The following RCAN2 variants were observed in gnomAD, a reference collection of about 807,000 sequenced individuals.
RCAN2 encodes the protein calcipressin-2.
Under a neutral mutation model 23.6 loss-of-function variants are expected in RCAN2, and 9 were observed. The ratio of observed to expected loss-of-function variants is 0.38; its 90% CI spans 0.23 to 0.67. RCAN2 has a LOEUF of 0.67. RCAN2 is among the 30% of genes least tolerant of loss of function. The pLI, the probability that RCAN2 is intolerant of heterozygous loss-of-function variation, is 0.51. For missense variants in RCAN2, 273 were observed against 302.3 expected, an observed-to-expected ratio of 0.90 and a Z score of 0.72; for synonymous variants, 109 against 115.7, an observed-to-expected ratio of 0.94 and a Z score of 0.37.
chr6:46,253,720 T>C (rs1007750749), intron 2 of RCAN2, among the ~76,000 whole-genome samples: 35 of 152,228 alleles, frequency 2.3e-4, no homozygotes, highest in African/African-American at 8.2e-4. Context: ...AATACAGTCA[T>C]GCACTGCATA....
At chr6:46,342,807 G>A (rs1328667008) in intron 2 of RCAN2, among the ~76,000 whole-genome samples, 4 of 152,028 alleles carry the variant, frequency 2.6e-5, no homozygotes, top group Non-Finnish European at 5.9e-5. Context: ...ATGGTTTGAT[G>A]TGGGCTAGAA....
At chr6:46,432,839 A>G (rs1767254039) in intron 2 of RCAN2, among the ~76,000 whole-genome samples, 1 of 152,222 alleles carries the variant, frequency 6.6e-6, no homozygotes, top group Non-Finnish European at 1.5e-5. Context: ...ATGGTAGTAC[A>G]TCTGACTCCA....
At chr6:46,270,500 T>A (rs1767488136) in intron 2 of RCAN2, among the ~76,000 whole-genome samples, 1 of 152,190 alleles carries the variant, frequency 6.6e-6, no homozygotes, top group Non-Finnish European at 1.5e-5. Flanking sequence ...CAACCAGTGA[T>A]GTGTATTTAC....
At chr6:46,469,276 T>A (rs1478648477) in intron 1 of RCAN2, among the ~76,000 whole-genome samples, 1 of 152,164 alleles carries the variant, frequency 6.6e-6, no homozygotes, top group African/African-American at 2.4e-5. Flanking sequence ...AATCTCCCAC[T>A]TCTAGTGCCA....
intron 1 of RCAN2, among the ~76,000 whole-genome samples, chr6:46,458,063 C>A (rs1768096916): frequency 6.6e-6 from 1 of 152,156 alleles, no homozygotes; most frequent in Admixed American, 6.5e-5. Context: ...AAATAACTTG[C>A]TCATGGTTAC....
intron 2 of RCAN2, among the ~76,000 whole-genome samples, chr6:46,328,158 G>T (rs1763853965): frequency 6.6e-6 from 1 of 152,064 alleles, no homozygotes. Context: ...TGTAAAATAG[G>T]CAGTTTTTTT....
intron 2 of RCAN2, among the ~76,000 whole-genome samples, chr6:46,281,647 G>C (rs1767923536): frequency 6.6e-6 from 1 of 152,136 alleles, no homozygotes; most frequent in Non-Finnish European, 1.5e-5. Context: ...GCTTGAAAAA[G>C]AGAACTGAGC....
Position 46,246,781 on chromosome 6 carries a change from C to A in RCAN2, c.538G>T (p.Asp180Tyr). ...AGTTTGGCCACAGCATAGAGGAGGTCATAGTTGAGGACTGGCGTGGCATCG... is the reference window on the plus strand; with the variant it reads ...AGTTTGGCCACAGCATAGAGGAGGTAATAGTTGAGGACTGGCGTGGCATCG... ...INDATPVLNY[D>Y]LLYAVAKLGP... The change falls in exon 4 of 5, where the codon GAC (aspartate) becomes TAC (tyrosine). Residue 180 changes from aspartate (D) to tyrosine (Y), a missense_variant. Coordinates refer to ENST00000371374, the MANE Select transcript of RCAN2 (RefSeq NM_001251974.2). The A allele has an allele frequency of 6.2e-7, 1 of 1,613,686 alleles. No individual in the cohort carries two copies. The highest frequency in any genetic ancestry group is 8.5e-7 in the Non-Finnish European group (1 of 1,179,850).
chr6:46,244,160 AAAG>A (rs1220706861), intron 4 of RCAN2, among the ~76,000 whole-genome samples: 1 of 152,198 alleles, frequency 6.6e-6, no homozygotes, highest in Non-Finnish European at 1.5e-5. Context: ...TATTGTGATA[AAAG>A]AAGGTGGGTG....
chr6:46,276,961 A>G (rs1767733626), intron 2 of RCAN2, among the ~76,000 whole-genome samples: 2 of 152,240 alleles, frequency 1.3e-5, no homozygotes, highest in African/African-American at 2.4e-5. Context: ...GAGTTTTATT[A>G]AGTTCTTAAG....
chr6:46,294,707 T>A (rs571509654), intron 2 of RCAN2, among the ~76,000 whole-genome samples: 1 of 152,272 alleles, frequency 6.6e-6, no homozygotes, highest in East Asian at 1.9e-4. Flanking sequence ...ATGATCCCAA[T>A]GATGATTAGA....
intron 2 of RCAN2, among the ~76,000 whole-genome samples, chr6:46,420,687 G>A (rs1185224376): frequency 6.6e-6 from 1 of 151,880 alleles, no homozygotes; most frequent in Non-Finnish European, 1.5e-5. Context: ...GGGATTACAG[G>A]TACCCACCAT....
intron 2 of RCAN2, among the ~76,000 whole-genome samples, chr6:46,318,113 G>A (rs1046889038): frequency 1.3e-5 from 2 of 152,220 alleles, no homozygotes; most frequent in Non-Finnish European, 2.9e-5. Flanking sequence ...GTGGTGACAT[G>A]TGGGATGGTT....
At position 46,367,022 on chromosome 6, in the gene RCAN2, GATATATATATATATAT is replaced by G. The variant is rs60245042; in HGVS notation, c.225+89714_225+89729del. On this transcript the variant is annotated intron_variant, in intron 2 of 4. Coordinates refer to ENST00000371374, the MANE Select transcript of RCAN2 (RefSeq NM_001251974.2). ...ATTTTATTTTCAGTTATCTGGGATG[GATATATATATATATAT>G]ATATATATATATATATCCTAGCTGA... is the stretch of plus-strand genomic sequence containing the variant. Among the ~76,000 whole-genome samples, 12 of 59,684 alleles carry G rather than the reference GATATATATATATATAT, an allele frequency of 2.0e-4. 2 individuals are homozygous for G. The highest frequency in any genetic ancestry group is 2.4e-4 in the African/African-American group (5 of 20,988). 39.2% of individuals were successfully genotyped at this position (59,684 alleles called of 152,430 possible).
intron 1 of RCAN2, among the ~76,000 whole-genome samples, chr6:46,458,130 C>G (rs891869839): frequency 1.3e-5 from 2 of 152,154 alleles, no homozygotes; most frequent in Non-Finnish European, 2.9e-5. Context: ...TCAGGAAGCT[C>G]CATGTTCTTC....
intron 2 of RCAN2, among the ~76,000 whole-genome samples, chr6:46,391,423 T>C (rs956077464): frequency 2.0e-5 from 3 of 152,150 alleles, no homozygotes; most frequent in African/African-American, 7.2e-5. Context: ...AGTGACGTGT[T>C]CAGCTCAGGG....
chr6:46,340,044 C>A (rs1283235274), intron 2 of RCAN2, among the ~76,000 whole-genome samples: 2 of 151,938 alleles, frequency 1.3e-5, no homozygotes, highest in African/African-American at 4.8e-5. Context: ...TGCCATAAAG[C>A]AACTATTCAA....
intron 1 of RCAN2, among the ~76,000 whole-genome samples, chr6:46,488,918 C>G (rs1769066218): frequency 6.6e-6 from 1 of 152,110 alleles, no homozygotes; most frequent in Non-Finnish European, 1.5e-5. Context: ...GGTCTAAAGT[C>G]TCCTCATTCC....
chr6:46,244,447 G>A (rs1401452942), intron 4 of RCAN2, among the ~76,000 whole-genome samples: 2 of 152,042 alleles, frequency 1.3e-5, no homozygotes, highest in African/African-American at 4.8e-5. Context: ...CCAGAGCCTG[G>A]ACTCAGCTGG....
Sources: allele counts gnomAD v4.1 joint callset (sites outside exome capture counted in the v4.1 genomes callset), GRCh38; gene constraint gnomAD v4.1.1; transcripts MANE v1.5; gene names NCBI Gene and HGNC (gene_info 2026-07-23, HGNC 2026-07-21).